DGKB: variants seen among roughly 807,000 people sequenced by gnomAD.
The protein encoded by DGKB is diacylglycerol kinase beta.
DGKB carries 67 observed loss-of-function variants against 114.3 expected under a neutral mutation model. That is an observed-to-expected ratio of 0.59 (90% CI 0.48 to 0.72). The LOEUF (loss-of-function observed/expected upper bound fraction) is 0.72, where lower values mean the gene tolerates loss of function less well. Ranked by LOEUF, DGKB falls within the 30% of genes least tolerant of loss-of-function variation. DGKB has a pLI of 0.00. For missense variants in DGKB, 907 were observed against 975.2 expected, an observed-to-expected ratio of 0.93 and a Z score of 0.93; for synonymous variants, 398 against 323.1, an observed-to-expected ratio of 1.23 and a Z score of -2.49.
At chr7:14,524,989 T>C (rs1159429649) in intron 20 of DGKB, among the ~76,000 whole-genome samples, 2 of 143,888 alleles carry the variant, frequency 1.4e-5, no homozygotes, top group Admixed American at 6.7e-5. Flanking sequence ...AAGAATAAAA[T>C]TGACACACTG....
chr7:14,274,669 A>C (rs2128440891), intron 23 of DGKB, among the ~76,000 whole-genome samples: 1 of 152,212 alleles, frequency 6.6e-6, no homozygotes, highest in South Asian at 2.1e-4. Context: ...GGTGACAGTG[A>C]ATTTGGTATC....
chr7:14,640,947 T>C (rs1346727703), intron 13 of DGKB, among the ~76,000 whole-genome samples: 1 of 152,156 alleles, frequency 6.6e-6, no homozygotes, highest in South Asian at 2.1e-4. Flanking sequence ...AAAAATGATA[T>C]AAAGCATTTG....
chr7:14,745,050 A>C (rs935501662), intron 4 of DGKB, among the ~76,000 whole-genome samples: 1 of 152,198 alleles, frequency 6.6e-6, no homozygotes, highest in African/African-American at 2.4e-5. Context: ...ATAAGACCAA[A>C]GGAGCAAACC....
At chr7:14,287,373 C>T (rs1036149140) in intron 23 of DGKB, among the ~76,000 whole-genome samples, 12 of 151,906 alleles carry the variant, frequency 7.9e-5, no homozygotes, top group African/African-American at 2.4e-4. Flanking sequence ...TCAATGAAAT[C>T]GGGTTTGTGA....
chr7:14,183,820 T>C (rs1472731082), intron 23 of DGKB, among the ~76,000 whole-genome samples: 1 of 152,186 alleles, frequency 6.6e-6, no homozygotes, highest in Non-Finnish European at 1.5e-5. Flanking sequence ...CAGGACTAGA[T>C]TGCAGCTCCA....
At chr7:14,531,385 A>G (rs530785089) in intron 20 of DGKB, among the ~76,000 whole-genome samples, 22 of 151,620 alleles carry the variant, frequency 1.5e-4, no homozygotes, top group African/African-American at 4.6e-4. Flanking sequence ...ATCAATACAG[A>G]AAAATTAACT....
intron 20 of DGKB, 42 bp from the exon 21 acceptor site, chr7:14,478,267 A>G: frequency 8.4e-7 from 1 of 1,190,946 alleles, no homozygotes; most frequent in Non-Finnish European, 1.2e-6. Context: ...ATGGTTTATG[A>G]TCCTATTATT....
chr7:14,223,734 AT>A (rs1378517172), intron 23 of DGKB, among the ~76,000 whole-genome samples: 1 of 151,490 alleles, frequency 6.6e-6, no homozygotes, highest in Non-Finnish European at 1.5e-5. Flanking sequence ...GATTATGTTT[AT>A]TTTGCTTTCA....
intron 20 of DGKB, 67 bp from the exon 21 acceptor site, chr7:14,478,292 A>T: frequency 2.2e-6 from 2 of 925,892 alleles, no homozygotes; most frequent in South Asian, 2.0e-5. Context: ...GAAAATGTAG[A>T]CTAAATAAAA....
intron 2 of DGKB, among the ~76,000 whole-genome samples, chr7:14,840,810 C>CT (rs1187544812): frequency 2.0e-5 from 3 of 151,470 alleles, no homozygotes; most frequent in African/African-American, 7.3e-5. Context: ...CACAGCATTG[C>CT]TTTTTTCTCC....
At chr7:14,938,343 G>A (rs1785383050) in intron 1 of DGKB, among the ~76,000 whole-genome samples, 2 of 152,174 alleles carry the variant, frequency 1.3e-5, no homozygotes, top group African/African-American at 4.8e-5. Context: ...GAGCTGGAGA[G>A]TAAACATGTT....
At chr7:14,677,223 G>C (rs1189033671) in intron 12 of DGKB, among the ~76,000 whole-genome samples, 1 of 151,896 alleles carries the variant, frequency 6.6e-6, no homozygotes, top group African/African-American at 2.4e-5. Flanking sequence ...GGCTGCGCTG[G>C]TCAGAGAAGA....
intron 2 of DGKB, among the ~76,000 whole-genome samples, chr7:14,790,158 G>A (rs367579678): frequency 5.9e-5 from 9 of 151,888 alleles, no homozygotes; most frequent in African/African-American, 1.9e-4. Flanking sequence ...TTTTTACTTC[G>A]AATTTTGCGA....
At chr7:14,746,337 A>G (rs1242091621) in intron 4 of DGKB, among the ~76,000 whole-genome samples, 1 of 152,194 alleles carries the variant, frequency 6.6e-6, no homozygotes, top group African/African-American at 2.4e-5. Flanking sequence ...CCATATACAA[A>G]AAAAAGGAAT....
At chr7:14,862,173 T>A (rs1361296973) in intron 1 of DGKB, among the ~76,000 whole-genome samples, 3 of 152,022 alleles carry the variant, frequency 2.0e-5, no homozygotes, top group African/African-American at 7.2e-5. Flanking sequence ...CAAATAAAAA[T>A]TGTGTATACT....
chr7:14,154,191 T>C (rs1223450348), intron 25 of DGKB, among the ~76,000 whole-genome samples: 2 of 150,996 alleles, frequency 1.3e-5, no homozygotes, highest in African/African-American at 4.9e-5. Context: ...TTTTTTTTTT[T>C]TTTTTTAAGA....
intron 23 of DGKB, among the ~76,000 whole-genome samples, chr7:14,287,518 T>C (rs1426624022): frequency 6.6e-6 from 1 of 152,190 alleles, no homozygotes; most frequent in East Asian, 1.9e-4. Context: ...TGAACTTATT[T>C]TCCTATAGTT....
chr7:14,631,564 A>G (rs1413793463), intron 13 of DGKB, among the ~76,000 whole-genome samples: 1 of 152,044 alleles, frequency 6.6e-6, no homozygotes, highest in Non-Finnish European at 1.5e-5. Context: ...CCACAGGAGA[A>G]TCTAATGGAA....
chr7:14,455,097 C>A (rs1832082543), intron 21 of DGKB, among the ~76,000 whole-genome samples: 1 of 152,010 alleles, frequency 6.6e-6, no homozygotes, highest in Admixed American at 6.6e-5. Flanking sequence ...CATCAATATA[C>A]TTTTTAATTT....
Sources: allele counts gnomAD v4.1 joint callset (sites outside exome capture counted in the v4.1 genomes callset), GRCh38; gene constraint gnomAD v4.1.1; transcripts MANE v1.5; gene names NCBI Gene and HGNC (gene_info 2026-07-23, HGNC 2026-07-21).